The following AKAP6 variants were observed in gnomAD, a reference collection of about 807,000 sequenced individuals.
AKAP6 encodes the protein A-kinase anchor protein 6.
AKAP6 carries 58 observed loss-of-function variants against 188.5 expected under a neutral mutation model. The observed-to-expected ratio is 0.31, with a 90% CI of 0.25 to 0.38. AKAP6 has a LOEUF of 0.38. AKAP6 is among the 10% of genes least tolerant of loss of function. AKAP6 has a pLI of 1.00. For synonymous variants in AKAP6, 989 were observed against 998.6 expected (o/e 0.99, Z 0.18); for missense variants, 2,710 against 2,740.0 (o/e 0.99, Z 0.24).
chr14:32,440,374 A>T (rs1480950586), intron 2 of AKAP6, among the ~76,000 whole-genome samples: 1 of 152,082 alleles, frequency 6.6e-6, no homozygotes, highest in Non-Finnish European at 1.5e-5. Context: ...AGATATACCT[A>T]GTGTAAATGA....
intron 8 of AKAP6, among the ~76,000 whole-genome samples, chr14:32,685,785 AATAACAAATGCTGGCG>A (rs1290025292): frequency 4.7e-4 from 71 of 151,864 alleles, no homozygotes; most frequent in African/African-American, 1.7e-3. Context: ...CAAGTCAGGC[AATAACAAATGCTGGCG>A]AGGATGTAAA....
At chr14:32,369,747 C>T (rs1332414916) in intron 1 of AKAP6, among the ~76,000 whole-genome samples, 2 of 152,156 alleles carry the variant, frequency 1.3e-5, no homozygotes, top group African/African-American at 4.8e-5. Context: ...ATGATTTAAA[C>T]AAAACAAAAT....
intron 3 of AKAP6, among the ~76,000 whole-genome samples, chr14:32,537,072 G>A (rs554408599): frequency 1.2e-3 from 182 of 152,228 alleles, no homozygotes; most frequent in Middle Eastern, 3.4e-3. Context: ...ATGTTTCAGT[G>A]GCTCCAACAT....
chr14:32,561,960 A>T (rs1275967494), intron 4 of AKAP6, among the ~76,000 whole-genome samples: 1 of 152,192 alleles, frequency 6.6e-6, no homozygotes, highest in East Asian at 1.9e-4. Flanking sequence ...GTTCTGTTTC[A>T]AGGTCACTCA....
intron 11 of AKAP6, among the ~76,000 whole-genome samples, chr14:32,756,613 G>A (rs1269504912): frequency 1.3e-5 from 2 of 152,132 alleles, no homozygotes; most frequent in Non-Finnish European, 1.5e-5. Context: ...TGCTCTGCAG[G>A]GTAGGGCGTG....
chr14:32,402,305 T>C (rs1482672162), intron 1 of AKAP6, among the ~76,000 whole-genome samples: 2 of 152,236 alleles, frequency 1.3e-5, no homozygotes, highest in African/African-American at 4.8e-5. Flanking sequence ...ATTGTACTGA[T>C]GTGGCGTGAG....
intron 9 of AKAP6, among the ~76,000 whole-genome samples, chr14:32,704,798 G>A (rs529183526): frequency 6.6e-6 from 1 of 152,218 alleles, no homozygotes; most frequent in African/African-American, 2.4e-5. Flanking sequence ...ATTACATCAG[G>A]AAGGCATTGG....
chr14:32,701,386 T>G (rs1890614698), intron 9 of AKAP6, among the ~76,000 whole-genome samples: 1 of 152,140 alleles, frequency 6.6e-6, no homozygotes, highest in Non-Finnish European at 1.5e-5. Flanking sequence ...TGTGTCCAGT[T>G]GCAAAATGTA....
intron 1 of AKAP6, among the ~76,000 whole-genome samples, chr14:32,364,925 C>T (rs552088260): frequency 8.5e-5 from 13 of 152,112 alleles, no homozygotes; most frequent in East Asian, 5.8e-4. Flanking sequence ...GAGTTAAGGA[C>T]GAAATTATAG....
chr14:32,436,064 G>A (rs539694663), intron 2 of AKAP6, among the ~76,000 whole-genome samples: 1 of 152,316 alleles, frequency 6.6e-6, no homozygotes, highest in East Asian at 1.9e-4. Context: ...CAACCTTGTA[G>A]AAGCAGCTCT....
intron 7 of AKAP6, among the ~76,000 whole-genome samples, chr14:32,629,608 T>C (rs1325786728): frequency 6.6e-6 from 1 of 151,880 alleles, no homozygotes; most frequent in Non-Finnish European, 1.5e-5. Context: ...AACCCTAAGC[T>C]TTGTTGCTAG....
At chr14:32,403,443 T>C (rs1458307555) in intron 1 of AKAP6, 1 of 152,230 alleles carries the variant, frequency 6.6e-6, no homozygotes, top group African/African-American at 2.4e-5. Flanking sequence ...GTGATTAGAC[T>C]GATTGTATTT....
chr14:32,480,987 T>A (rs77905134), intron 2 of AKAP6, among the ~76,000 whole-genome samples: 1 of 152,214 alleles, frequency 6.6e-6, no homozygotes, highest in African/African-American at 2.4e-5. Flanking sequence ...AATTCTCTTT[T>A]CATGTTCTGT....
At chr14:32,485,907 G>A (rs1468062955) in intron 2 of AKAP6, among the ~76,000 whole-genome samples, 3 of 152,026 alleles carry the variant, frequency 2.0e-5, no homozygotes, top group African/African-American at 7.3e-5. Flanking sequence ...TGTCCTGAAT[G>A]GTATTGCCTA....
At chr14:32,551,861 T>C (rs1566571557) in intron 4 of AKAP6, among the ~76,000 whole-genome samples, 1 of 151,530 alleles carries the variant, frequency 6.6e-6, no homozygotes, top group Non-Finnish European at 1.5e-5. Flanking sequence ...AGAGATGGGG[T>C]TTCACCGTGA....
chr14:32,766,862 A>G (rs1566696904), intron 11 of AKAP6, among the ~76,000 whole-genome samples: 2 of 152,166 alleles, frequency 1.3e-5, no homozygotes, highest in Non-Finnish European at 2.9e-5. Context: ...TTTTGATGTA[A>G]TATCTACAAA....
At chr14:32,453,181 T>G (rs1890994631) in intron 2 of AKAP6, among the ~76,000 whole-genome samples, 1 of 152,214 alleles carries the variant, frequency 6.6e-6, no homozygotes, top group East Asian at 1.9e-4. Flanking sequence ...ATAATTTTTG[T>G]TTTAATCTGA....
At chr14:32,585,421 A>T (rs1206123012) in intron 5 of AKAP6, among the ~76,000 whole-genome samples, 5 of 152,176 alleles carry the variant, frequency 3.3e-5, no homozygotes, top group Non-Finnish European at 7.3e-5. Flanking sequence ...ATAGCCTTGG[A>T]GAAACAAGGT....
At chr14:32,699,820 T>C (rs1394930604) in intron 9 of AKAP6, among the ~76,000 whole-genome samples, 2 of 152,212 alleles carry the variant, frequency 1.3e-5, no homozygotes, top group Admixed American at 6.5e-5. Context: ...TCGTCATTCC[T>C]CCTCTCTTCC....
Sources: allele counts gnomAD v4.1 joint callset (sites outside exome capture counted in the v4.1 genomes callset), GRCh38; gene constraint gnomAD v4.1.1; transcripts MANE v1.5; gene names NCBI Gene and HGNC (gene_info 2026-07-23, HGNC 2026-07-21).